The following TRIM38 variants were observed in gnomAD, a reference collection of about 807,000 sequenced individuals.
TRIM38 encodes the protein tripartite motif containing 38.
Under a neutral mutation model 35.8 loss-of-function variants are expected in TRIM38, and 35 were observed. That is an observed-to-expected ratio of 0.98 (90% CI 0.75 to 1.30). The LOEUF is 1.30. TRIM38 is among the 50% of genes most tolerant of loss of function. The pLI is 0.00. For missense variants in TRIM38, 545 were observed against 556.9 expected, an observed-to-expected ratio of 0.98 and a Z score of 0.21; for synonymous variants, 198 against 204.7, an observed-to-expected ratio of 0.97 and a Z score of 0.28.
chr6:25,973,407 A>C (rs749290094), intron 7 of TRIM38, 122 bp downstream of exon 7: 12 of 1,465,030 alleles, frequency 8.2e-6, no homozygotes, highest in Admixed American at 2.4e-5. Context: ...ATTTCAGTAG[A>C]GCTTTCATAC....
At position 25,987,989 on chromosome 6, in the gene TRIM38, A is replaced by G. The variant is rs1385921961; in HGVS notation, c.*4302A>G. 6.6e-6 allele frequency: 1 copy of G among 152,218 alleles called. No individual in the cohort carries two copies. Among genetic ancestry groups the G allele is most frequent in the Non-Finnish European group, 1.5e-5 (1 of 68,038 alleles). 9.4% of individuals were successfully genotyped at this position (152,218 alleles called of 1,614,324 possible). ...TTTACTCCGGACCAGATTGAAGACT[A>G]GCCGAAACAGGGACGAGGTTAAAGC... On this transcript the variant is annotated 3_prime_UTR_variant, in exon 8 of 8. Transcript: ENST00000357085.
rs914639896 is a variant in TRIM38, at chr6:25,985,409, A to T, written c.*1722A>T. 2 of 152,108 alleles carry T rather than the reference A, an allele frequency of 1.3e-5. No individual in the cohort carries two copies. Among genetic ancestry groups the T allele is most frequent in the Non-Finnish European group, 2.9e-5 (2 of 68,016 alleles). The allele number at this position is 152,108 out of a possible 1,614,324, so 9.4% of individuals were successfully genotyped here. A position where few individuals can be genotyped will look rare whatever the true frequency, so the allele number is the denominator to read the frequency against. On this transcript the variant is annotated 3_prime_UTR_variant, in exon 8 of 8. Coordinates refer to ENST00000357085, the MANE Select transcript of TRIM38 (RefSeq NM_006355.5). The stretch of plus-strand genomic sequence containing the variant: ...CTTAAAAAATGTATTCTTTTCTTAA[A>T]ATGCTATATAAGCCCAAGTTCTAAA...
intron 7 of TRIM38, chr6:25,975,065 C>T: frequency 5.4e-5 from 51 of 948,068 alleles, no homozygotes; most frequent in Non-Finnish European, 6.3e-5. Context: ...CAGAGTCTCG[C>T]TCTGTCGCCC....
Position 25,973,254 on chromosome 6 carries a change from C to A in TRIM38, c.843C>A (p.Phe281Leu). The A allele has an allele frequency of 1.2e-6, 2 of 1,613,794 alleles. No individual in the cohort carries two copies. Residue 281 changes from phenylalanine (F) to leucine (L), a missense_variant, in exon 7 of 8, where the codon TTC (phenylalanine) becomes TTA (leucine). Transcript: ENST00000357085. ...HTMCNVSKLY[F>L]DVKKMLRSHQ... Reference sequence around the variant, plus strand: ...TGTGCAATGTTTCCAAGCTTTACTTCGATGTGAAGAAAATGTTAAGGAGTC... The same window carrying A: ...TGTGCAATGTTTCCAAGCTTTACTTAGATGTGAAGAAAATGTTAAGGAGTC...
intron 7 of TRIM38, chr6:25,974,970 T>C (rs1760347017): frequency 1.0e-6 from 1 of 985,190 alleles, no homozygotes; most frequent in Non-Finnish European, 1.2e-6. Context: ...ATTTGCCTAC[T>C]CTCATCTTTT....
rs548228958 is a variant in TRIM38 at position 25,967,200 on chromosome 6, C to A, written c.411+267C>A. On this transcript the variant is annotated intron_variant, in intron 3 of 7. Coordinates refer to ENST00000357085, the MANE Select transcript of TRIM38 (RefSeq NM_006355.5). Reference sequence around the variant, plus strand: ...GCTTTAGAACAGGTTGTTCTCAAACCAAACACCCGCATTTTTTCTTGTTTC... The same window carrying A: ...GCTTTAGAACAGGTTGTTCTCAAACAAAACACCCGCATTTTTTCTTGTTTC... Among the ~76,000 whole-genome samples the A allele has an allele frequency of 1.6e-3, 251 of 152,234 alleles. 1 individual carries two copies. The highest frequency in any genetic ancestry group is 6.8e-3 in the Middle Eastern group (2 of 294).
chr6:25,966,987 C>G (rs760308094), intron 3 of TRIM38, 54 bp downstream of exon 3: 299 of 1,500,604 alleles, frequency 2.0e-4, no homozygotes, highest in Non-Finnish European at 2.3e-4. Context: ...TCCTGCTCCC[C>G]AGGAGCTGAG....
At chr6:25,968,265 A>G (rs1760123263) in intron 3 of TRIM38, among the ~76,000 whole-genome samples, 1 of 152,194 alleles carries the variant, frequency 6.6e-6, no homozygotes, top group Non-Finnish European at 1.5e-5. Context: ...GGAGCAGCTA[A>G]TAACTGCGAT....
intron 5 of TRIM38, 62 bp from the exon 6 acceptor site, chr6:25,972,992 A>G: frequency 1.2e-6 from 2 of 1,609,404 alleles, no homozygotes; most frequent in Non-Finnish European, 1.7e-6. Context: ...ATAGCCCTGC[A>G]TGACAAGCCC....
At position 25,963,917 on chromosome 6, in the gene TRIM38, C is replaced by CAACAACAACAAA. The variant is rs1303411153; in HGVS notation, c.-189+640_-189+651dup. On this transcript the variant is annotated intron_variant, in intron 2 of 7. Transcript: ENST00000357085. ...ATACCTCTGCTCCTGAAAGCAAAAACAACAACAACAAAAACACAAACAAAA... is the reference window on the plus strand; with the variant it reads ...ATACCTCTGCTCCTGAAAGCAAAAACAACAACAACAAAAACAACAACAAAAACACAAACAAAA... Among the ~76,000 whole-genome samples the CAACAACAACAAA allele has an allele frequency of 3.8e-4, 58 of 151,766 alleles. No individual in the cohort carries two copies. The South Asian group carries it at 0.011, about 29-fold the overall frequency.
chr6:25,973,584 T>C lies in TRIM38; in HGVS notation c.874+299T>C, dbSNP rs564623278. ...GAAAATATTAACAGCTCCTACTTCA[T>C]TGAGTTATCATCAAAATTAAATGCA... On this transcript the variant is annotated intron_variant, in intron 7 of 7. Coordinates refer to ENST00000357085, the MANE Select transcript of TRIM38 (RefSeq NM_006355.5). 1.6e-5 allele frequency: 16 copies of C among 975,268 alleles called. No individual in the cohort carries two copies. The East Asian group carries it at 5.7e-4, about 35-fold the overall frequency. 60.4% of individuals were successfully genotyped at this position (975,268 alleles called of 1,614,324 possible). A position where few individuals can be genotyped will look rare whatever the true frequency, so the allele number is the denominator to read the frequency against.
At chr6:25,973,318 G>A (rs927850089) in intron 7 of TRIM38, 33 bp downstream of exon 7, 1 of 1,605,138 alleles carries the variant, frequency 6.2e-7, no homozygotes, top group Non-Finnish European at 8.5e-7. Context: ...GAATACTGTG[G>A]ATAGAAGGGG....
intron 7 of TRIM38, among the ~76,000 whole-genome samples, chr6:25,981,522 A>T (rs764106738): frequency 6.6e-6 from 1 of 152,226 alleles, no homozygotes; most frequent in Non-Finnish European, 1.5e-5. Context: ...TTTTATTTTT[A>T]AAACTGCATA....
chr6:25,975,232 G>A (rs767796287), intron 7 of TRIM38: 6 of 691,114 alleles, frequency 8.7e-6, no homozygotes, highest in Non-Finnish European at 8.9e-6. Context: ...TTTTTTTTGA[G>A]ATGGAGTCTC....
chr6:25,966,832 T>G lies in TRIM38; in HGVS notation c.310T>G (p.Cys104Gly). ...ACACGGAGAGCAGTTCCACCTGTTCTGCGAAGACGAGGGGCAGCTCATCTG... is the reference window on the plus strand; with the variant it reads ...ACACGGAGAGCAGTTCCACCTGTTCGGCGAAGACGAGGGGCAGCTCATCTG... ...EEHGEQFHLF[C>G]EDEGQLICWR... Residue 104 changes from cysteine to glycine, a missense_variant, in exon 3 of 8, where the codon TGC (cysteine) becomes GGC (glycine). Coordinates refer to ENST00000357085, the MANE Select transcript of TRIM38 (RefSeq NM_006355.5). The G allele has an allele frequency of 6.2e-7, 1 of 1,614,188 alleles. No homozygotes were observed. Among genetic ancestry groups the G allele is most frequent in the Non-Finnish European group, 8.5e-7 (1 of 1,180,036 alleles).
intron 7 of TRIM38, among the ~76,000 whole-genome samples, chr6:25,981,990 A>G (rs1423108725): frequency 1.3e-5 from 2 of 152,216 alleles, no homozygotes; most frequent in East Asian, 1.9e-4. Flanking sequence ...GAGCTGAAGC[A>G]GGACTGGCTT....
At chr6:25,973,355 C>A (rs1760299557) in intron 7 of TRIM38, 70 bp downstream of exon 7, 5 of 1,567,286 alleles carry the variant, frequency 3.2e-6, no homozygotes, top group East Asian at 2.3e-5. Context: ...AGTTTACCAC[C>A]TGTCCCTTGG....
rs765864907 is a variant in TRIM38, at chr6:25,966,628, T to C, written c.106T>C (p.Cys36Arg). ...PVSINCGHSY[C>R]HLCITDFFKN... ...AAGCATCAACTGTGGACACAGCTAC[T>C]GCCACTTGTGTATAACAGACTTCTT... The change falls in exon 3 of 8, where the codon TGC becomes CGC. Residue 36 changes from cysteine to arginine, a missense_variant. Coordinates refer to ENST00000357085, the MANE Select transcript of TRIM38 (RefSeq NM_006355.5). 25 of 1,614,070 alleles carry C rather than the reference T, an allele frequency of 1.5e-5. No homozygotes were observed. Among genetic ancestry groups the C allele is most frequent in the Middle Eastern group, 3.3e-4 (2 of 6,084 alleles).
At chr6:25,965,440 C>G (rs1256821881) in intron 2 of TRIM38, among the ~76,000 whole-genome samples, 1 of 152,112 alleles carries the variant, frequency 6.6e-6, no homozygotes, top group African/African-American at 2.4e-5. Context: ...CCTCTAAATT[C>G]CAATGCATTT....
Sources: gnomAD v4.1 joint callset for allele counts (sites outside exome capture counted in the v4.1 genomes callset) on GRCh38, gnomAD v4.1.1 for gene constraint, MANE v1.5 for transcripts, NCBI Gene and HGNC (gene_info 2026-07-23, HGNC 2026-07-21) for gene names.